The following KCND2 variants were observed in gnomAD, a reference collection of about 807,000 sequenced individuals.
KCND2 encodes A-type voltage-gated potassium channel KCND2.
KCND2 carries 16 observed loss-of-function variants against 54.4 expected under a neutral mutation model. That is an observed-to-expected ratio of 0.29 (90% CI 0.20 to 0.45). KCND2 has a LOEUF of 0.45. Ranked by LOEUF, KCND2 falls within the 20% of genes least tolerant of loss-of-function variation. The pLI is 1.00. For missense variants in KCND2, 486 were observed against 824.2 expected, an observed-to-expected ratio of 0.59 and a Z score of 5.02; for synonymous variants, 317 against 310.7, an observed-to-expected ratio of 1.02 and a Z score of -0.21.
At chr7:120,505,987 A>G (rs1803010648) in intron 1 of KCND2, among the ~76,000 whole-genome samples, 2 of 151,796 alleles carry the variant, frequency 1.3e-5, no homozygotes, top group Admixed American at 6.6e-5. Flanking sequence ...ATTTTGTATT[A>G]ATAAAACAAT....
rs541865410 is a variant in KCND2, at chr7:120,349,130, A to G, written c.1115+73383A>G. On this transcript the variant is annotated intron_variant, in intron 1 of 5. Coordinates refer to ENST00000331113, the MANE Select transcript of KCND2 (RefSeq NM_012281.3). ...ATATGGGAAACTTATACTACTTGCA[A>G]TTGCCACTTTCTTAATTCTACAAAG... Among the ~76,000 whole-genome samples, 14 of 152,226 alleles carry G rather than the reference A, an allele frequency of 9.2e-5. No individual in the cohort carries two copies. In the East Asian group the frequency reaches 2.7e-3, roughly 29 times the overall value.
intron 1 of KCND2, among the ~76,000 whole-genome samples, chr7:120,320,611 A>G (rs1248620766): frequency 1.3e-5 from 2 of 152,176 alleles, no homozygotes; most frequent in African/African-American, 4.8e-5. Flanking sequence ...TGGAAAATTG[A>G]TTGAAGCAGG....
rs866491511 is a variant in KCND2, at chr7:120,398,039, T to A, written c.1115+122292T>A. Among the ~76,000 whole-genome samples the A allele has an allele frequency of 9.0e-3, 1,129 of 126,130 alleles. 16 individuals carry two copies. Among genetic ancestry groups the A allele is most frequent in the African/African-American group, 0.033 (1,068 of 32,662 alleles). 82.7% of individuals were successfully genotyped at this position (126,130 alleles called of 152,430 possible). A position where few individuals can be genotyped will look rare whatever the true frequency, so the allele number is the denominator to read the frequency against. Reference sequence around the variant, plus strand: ...TATATATATATATATATATATATATTTGCTCTTTTTCCAGCCAAATATGTT... The same window carrying A: ...TATATATATATATATATATATATATATGCTCTTTTTCCAGCCAAATATGTT... On this transcript the variant is annotated intron_variant, in intron 1 of 5. Transcript: ENST00000331113.
intron 1 of KCND2, among the ~76,000 whole-genome samples, chr7:120,280,608 G>A (rs890658012): frequency 1.3e-5 from 2 of 151,884 alleles, no homozygotes; most frequent in African/African-American, 4.8e-5. Flanking sequence ...GAGTCACAAA[G>A]TTCAAATTTC....
At chr7:120,279,039 C>T (rs919316213) in intron 1 of KCND2, among the ~76,000 whole-genome samples, 3 of 151,822 alleles carry the variant, frequency 2.0e-5, no homozygotes, top group Non-Finnish European at 4.4e-5. Context: ...GAAAAAGAAC[C>T]TGGAACTCCT....
chr7:120,535,903 G>A (rs1370773705), intron 1 of KCND2, among the ~76,000 whole-genome samples: 2 of 152,122 alleles, frequency 1.3e-5, no homozygotes, highest in African/African-American at 4.8e-5. Context: ...GTGTGTATGT[G>A]TGTTGTGGGG....
At position 120,745,889 on chromosome 7, in the gene KCND2, C is replaced by T. The variant is rs1380663089; in HGVS notation, c.1577C>T (p.Thr526Ile). The T allele has an allele frequency of 6.2e-7, 1 of 1,613,922 alleles. No homozygotes were observed. Among genetic ancestry groups the T allele is most frequent in the Admixed American group, 1.7e-5 (1 of 60,002 alleles). The part of the protein sequence containing the change: ...SPSLSSQQGV[T>I]STCCSRRHKK... The stretch of plus-strand genomic sequence containing the variant: ...TCACTGTCTTCACAACAAGGAGTCA[C>T]CAGCACCTGCTGTTCACGACGACAC... The change falls in exon 5 of 6, where the codon ACC becomes ATC. Residue 526 changes from threonine (T) to isoleucine (I), a missense_variant. By Grantham distance (89) the Thr-to-Ile change is moderately conservative (BLOSUM62 -1). Coordinates refer to ENST00000331113, the MANE Select transcript of KCND2 (RefSeq NM_012281.3).
chr7:120,544,100 G>A (rs961001018), intron 1 of KCND2, among the ~76,000 whole-genome samples: 5 of 151,946 alleles, frequency 3.3e-5, no homozygotes, highest in Non-Finnish European at 7.4e-5. Flanking sequence ...GAATTAATGG[G>A]AAAATGTTTA....
At chr7:120,509,361 TG>T (rs1263150961) in intron 1 of KCND2, among the ~76,000 whole-genome samples, 1 of 152,044 alleles carries the variant, frequency 6.6e-6, no homozygotes, top group East Asian at 1.9e-4. Flanking sequence ...TGGGGAAAAC[TG>T]GGTTTGGGGT....
intron 1 of KCND2, among the ~76,000 whole-genome samples, chr7:120,531,909 A>AT (rs968764037): frequency 2.0e-5 from 3 of 151,422 alleles, no homozygotes; most frequent in African/African-American, 4.9e-5. Flanking sequence ...TTTAATCTAC[A>AT]TTTTTTCTCT....
chr7:120,367,083 G>A (rs926067970), intron 1 of KCND2, among the ~76,000 whole-genome samples: 2 of 152,086 alleles, frequency 1.3e-5, no homozygotes, highest in Non-Finnish European at 2.9e-5. Flanking sequence ...TATGTGCCAA[G>A]CCCATTGCTA....
intron 1 of KCND2, among the ~76,000 whole-genome samples, chr7:120,518,594 A>G (rs1458707290): frequency 6.6e-6 from 1 of 152,198 alleles, no homozygotes; most frequent in Non-Finnish European, 1.5e-5. Flanking sequence ...TTTTATAAAC[A>G]CGTTGATATG....
intron 1 of KCND2, among the ~76,000 whole-genome samples, chr7:120,667,359 A>T (rs922498415): frequency 6.6e-6 from 1 of 152,182 alleles, no homozygotes; most frequent in African/African-American, 2.4e-5. Flanking sequence ...ACAGCTTCAA[A>T]GTGGTCTCAA....
intron 1 of KCND2, among the ~76,000 whole-genome samples, chr7:120,326,606 G>A (rs1212414155): frequency 1.3e-5 from 2 of 151,984 alleles, no homozygotes; most frequent in Non-Finnish European, 2.9e-5. Context: ...AGAAAGTTGT[G>A]CAGATAATTA....
chr7:120,589,279 A>G (rs1247010529), intron 1 of KCND2, among the ~76,000 whole-genome samples: 3 of 152,254 alleles, frequency 2.0e-5, no homozygotes, highest in Non-Finnish European at 4.4e-5. Flanking sequence ...TCAAATAAAT[A>G]GCAGAAGTGA....
intron 1 of KCND2, among the ~76,000 whole-genome samples, chr7:120,314,029 C>G (rs1799778080): frequency 6.7e-6 from 1 of 148,384 alleles, no homozygotes; most frequent in Admixed American, 6.7e-5. Context: ...AAAAAATCAA[C>G]AAATACAGTA....
chr7:120,401,641 G>A (rs561716281), intron 1 of KCND2, among the ~76,000 whole-genome samples: 52 of 152,196 alleles, frequency 3.4e-4, no homozygotes, highest in South Asian at 6.2e-4. Context: ...TTTATAAGGC[G>A]TCAGTCCTCT....
intron 1 of KCND2, among the ~76,000 whole-genome samples, chr7:120,602,689 TA>T (rs1792829850): frequency 6.6e-6 from 1 of 152,208 alleles, no homozygotes; most frequent in Non-Finnish European, 1.5e-5. Context: ...CCTCAAGAAA[TA>T]ACTACTTCAA....
intron 1 of KCND2, among the ~76,000 whole-genome samples, chr7:120,351,967 A>G (rs1465607263): frequency 6.6e-6 from 1 of 151,906 alleles, no homozygotes; most frequent in Non-Finnish European, 1.5e-5. Flanking sequence ...ATGCACCACC[A>G]CACCAAGCTA....
Sources: allele counts gnomAD v4.1 joint callset (sites outside exome capture counted in the v4.1 genomes callset), GRCh38; gene constraint gnomAD v4.1.1; transcripts MANE v1.5; gene names NCBI Gene and HGNC (gene_info 2026-07-23, HGNC 2026-07-21).